SH3GL2: variants seen among roughly 807,000 people sequenced by gnomAD.
SH3GL2 encodes the protein endophilin-A1.
A neutral mutation model predicts 46.0 loss-of-function variants in SH3GL2; 24 were observed. That is an observed-to-expected ratio of 0.52 (90% CI 0.38 to 0.73). SH3GL2 has a LOEUF of 0.73. SH3GL2 is among the 30% of genes least tolerant of loss of function. The probability of loss-of-function intolerance (pLI) is 0.00; values close to 1 mark genes in which losing one functional copy is unlikely to be tolerated. For synonymous variants in SH3GL2, 196 were observed against 147.1 expected, an observed-to-expected ratio of 1.33 and a Z score of -2.40; for missense variants, 413 against 424.2, an observed-to-expected ratio of 0.97 and a Z score of 0.23.
intron 1 of SH3GL2, among the ~76,000 whole-genome samples, chr9:17,737,934 A>G (rs770662846): frequency 1.3e-5 from 2 of 151,526 alleles, no homozygotes; most frequent in African/African-American, 4.9e-5. Context: ...TGGCTTACTT[A>G]CTCCTTTCAG....
chr9:17,627,502 A>G (rs1819310769), intron 1 of SH3GL2, among the ~76,000 whole-genome samples: 1 of 152,216 alleles, frequency 6.6e-6, no homozygotes, highest in African/African-American at 2.4e-5. Context: ...AGCAGACCCT[A>G]TCTGTTATTT....
At chr9:17,613,435 A>G (rs565933235) in intron 1 of SH3GL2, among the ~76,000 whole-genome samples, 39 of 152,156 alleles carry the variant, frequency 2.6e-4, no homozygotes, top group Non-Finnish European at 1.8e-4. Flanking sequence ...AAATAACAAC[A>G]ATGGCAATAT....
chr9:17,678,447 C>T (rs1820674015), intron 1 of SH3GL2, among the ~76,000 whole-genome samples: 1 of 152,108 alleles, frequency 6.6e-6, no homozygotes. Context: ...TGAGAAGTGT[C>T]TGTTCATATC....
intron 1 of SH3GL2, among the ~76,000 whole-genome samples, chr9:17,643,868 C>G (rs1588199994): frequency 6.6e-6 from 1 of 152,052 alleles, no homozygotes; most frequent in East Asian, 1.9e-4. Context: ...GAGAGGAGTC[C>G]CTCTTTTTCT....
chr9:17,681,993 G>A (rs1820781738), intron 1 of SH3GL2, among the ~76,000 whole-genome samples: 1 of 152,044 alleles, frequency 6.6e-6, no homozygotes, highest in African/African-American at 2.4e-5. Flanking sequence ...TTAGAGAAAT[G>A]CAAATCAAAA....
chr9:17,681,216 T>A (rs1013461248), intron 1 of SH3GL2, among the ~76,000 whole-genome samples: 14 of 152,126 alleles, frequency 9.2e-5, no homozygotes, highest in Admixed American at 9.2e-4. Context: ...AGCATAGAAC[T>A]AAGTAGGAAG....
chr9:17,700,011 G>C (rs1388766917), intron 1 of SH3GL2, among the ~76,000 whole-genome samples: 3 of 151,972 alleles, frequency 2.0e-5, no homozygotes, highest in Non-Finnish European at 2.9e-5. Context: ...AGAGTGCATT[G>C]GAGTGCACTT....
At chr9:17,671,542 T>G (rs1820474738) in intron 1 of SH3GL2, among the ~76,000 whole-genome samples, 1 of 152,160 alleles carries the variant, frequency 6.6e-6, no homozygotes, top group Non-Finnish European at 1.5e-5. Context: ...ATATTCTATT[T>G]TCCATGGTAC....
intron 1 of SH3GL2, among the ~76,000 whole-genome samples, chr9:17,700,741 G>A (rs1821325497): frequency 6.6e-6 from 1 of 152,124 alleles, no homozygotes. Flanking sequence ...ACGCCATATG[G>A]TTTCCTAGAT....
At chr9:17,778,497 A>G (rs1823708661) in intron 3 of SH3GL2, among the ~76,000 whole-genome samples, 1 of 152,138 alleles carries the variant, frequency 6.6e-6, no homozygotes, top group Non-Finnish European at 1.5e-5. Context: ...GAGGTCAGAG[A>G]GGCAAGAGCA....
chr9:17,706,054 G>C (rs1821465230), intron 1 of SH3GL2, among the ~76,000 whole-genome samples: 1 of 151,808 alleles, frequency 6.6e-6, no homozygotes, highest in Non-Finnish European at 1.5e-5. Context: ...TATATAGAAA[G>C]TATTAGTCGA....
chr9:17,665,392 A>G (rs918844791), intron 1 of SH3GL2, among the ~76,000 whole-genome samples: 10 of 152,112 alleles, frequency 6.6e-5, no homozygotes, highest in Non-Finnish European at 1.2e-4. Flanking sequence ...ATCATTCTTC[A>G]TCCTTTTTTC....
chr9:17,722,417 ACATT>A (rs1821917977), intron 1 of SH3GL2, among the ~76,000 whole-genome samples: 2 of 152,146 alleles, frequency 1.3e-5, no homozygotes, highest in Non-Finnish European at 2.9e-5. Context: ...GCAATGGTGA[ACATT>A]CATTTACTGT....
chr9:17,777,908 TTAG>T (rs1345593802), intron 3 of SH3GL2, among the ~76,000 whole-genome samples: 2 of 152,064 alleles, frequency 1.3e-5, no homozygotes, highest in East Asian at 1.9e-4. Context: ...CTCTATTCCT[TTAG>T]CGTAGGTTGG....
intron 1 of SH3GL2, among the ~76,000 whole-genome samples, chr9:17,739,908 T>C (rs1348488007): frequency 6.6e-6 from 1 of 152,112 alleles, no homozygotes; most frequent in Non-Finnish European, 1.5e-5. Context: ...TACAGCATCA[T>C]ACAAATCAAT....
intron 1 of SH3GL2, among the ~76,000 whole-genome samples, chr9:17,636,690 A>G (rs888434121): frequency 3.9e-5 from 6 of 152,128 alleles, no homozygotes; most frequent in Admixed American, 3.9e-4. Flanking sequence ...TGGAATTTTT[A>G]TATTATTCTT....
Position 17,789,414 on chromosome 9 carries a change from GT to G in SH3GL2, c.489del (p.Arg164AspfsTer24). ...EIQHHLKKLE[G>X]RRLDFDYKKK... is the part of the protein sequence containing the mutation. ...CAGCATCATCTAAAGAAGTTGGAGGGTCGACGCCTGGATTTTGATTATAAGA... is the reference window on the plus strand; with the variant it reads ...CAGCATCATCTAAAGAAGTTGGAGGGCGACGCCTGGATTTTGATTATAAGA... On this transcript the variant is annotated frameshift_variant, in exon 6 of 9. Coordinates refer to ENST00000380607, the MANE Select transcript of SH3GL2 (RefSeq NM_003026.5). LOFTEE classifies it high-confidence loss of function. The G allele has an allele frequency of 1.9e-6, 3 of 1,613,390 alleles. No homozygotes were observed. The highest frequency in any genetic ancestry group is 2.5e-6 in the Non-Finnish European group (3 of 1,179,534).
intron 1 of SH3GL2, among the ~76,000 whole-genome samples, chr9:17,615,318 A>G (rs112415456): frequency 0.011 from 1,641 of 152,276 alleles, 33 homozygotes; most frequent in African/African-American, 0.037. Context: ...TTGGGTATTT[A>G]AGATGTATAT....
chr9:17,759,457 C>T (rs980695205), intron 2 of SH3GL2, among the ~76,000 whole-genome samples: 1 of 152,126 alleles, frequency 6.6e-6, no homozygotes, highest in South Asian at 2.1e-4. Context: ...CCTCTGTTGC[C>T]TGTCTTTTTA....
Sources: allele counts gnomAD v4.1 joint callset (sites outside exome capture counted in the v4.1 genomes callset), GRCh38; gene constraint gnomAD v4.1.1; transcripts MANE v1.5; gene names NCBI Gene and HGNC (gene_info 2026-07-23, HGNC 2026-07-21).